The following GALK2 variants were observed in gnomAD, a reference collection of about 807,000 sequenced individuals.
The protein encoded by GALK2 is galactokinase 2.
Under a neutral mutation model 52.4 loss-of-function variants are expected in GALK2, and 36 were observed. The observed-to-expected ratio is 0.69, with a 90% CI of 0.53 to 0.91. GALK2 has a LOEUF of 0.91. Among genes scored for constraint, GALK2 ranks in the 40% least tolerant of loss-of-function variants. The pLI, the probability that GALK2 is intolerant of heterozygous loss-of-function variation, is 0.00. For missense variants in GALK2, 579 were observed against 559.1 expected (o/e 1.04, Z -0.36); for synonymous variants, 176 against 199.1 (o/e 0.88, Z 0.98).
chr15:49,245,783 C>A (rs1364478467), intron 5 of GALK2, among the ~76,000 whole-genome samples: 1 of 152,124 alleles, frequency 6.6e-6, no homozygotes, highest in Non-Finnish European at 1.5e-5. Flanking sequence ...CTCAAAACCT[C>A]TAACTAATTT....
intron 3 of GALK2, among the ~76,000 whole-genome samples, chr15:49,357,258 G>C (rs1208616683): frequency 2.0e-5 from 3 of 150,258 alleles, no homozygotes; most frequent in African/African-American, 7.4e-5. Flanking sequence ...AGGAAATAGA[G>C]ACACAAAAAA....
chr15:49,365,433 G>A, intron 3 of GALK2: 1 of 948,092 alleles, frequency 1.1e-6, no homozygotes, highest in Non-Finnish European at 1.7e-6. Context: ...GCAAGCAACA[G>A]GCCTGTACAA....
At position 49,356,140 on chromosome 15, in the gene GALK2, C is replaced by G. The variant is rs560670992; in HGVS notation, c.427-11351C>G. 4.9e-3 allele frequency among the ~76,000 whole-genome samples: 752 copies of G among 152,160 alleles called. 6 individuals carry two copies. Among genetic ancestry groups the G allele is most frequent in the African/African-American group, 0.017 (718 of 41,488 alleles). On this transcript the variant is annotated intron_variant, in intron 3 of 3. Transcript: ENST00000558399. ...GGTACCAGCCGCTGTAAAATCATGC[C>G]AAAATGTAAAGACCATCGAGACTAG...
intron 5 of GALK2, among the ~76,000 whole-genome samples, chr15:49,266,811 T>C (rs2092378051): frequency 6.6e-6 from 1 of 152,158 alleles, no homozygotes. Context: ...TATAACCTTG[T>C]GGTATTAATA....
At position 49,328,377 on chromosome 15, in the gene GALK2, C is replaced by G. The variant is rs2037891349; in HGVS notation, c.*218C>G. 2 of 1,424,190 alleles carry G rather than the reference C, an allele frequency of 1.4e-6. No homozygotes were observed. Among genetic ancestry groups the G allele is most frequent in the Admixed American group, 5.8e-5 (2 of 34,258 alleles). The allele number at this position is 1,424,190 out of a possible 1,614,324, so 88.2% of individuals were successfully genotyped here. ...TGGTTTTACTATTAAGAGCCAAGAT[C>G]ATGCTTGGACAGATCTTTTAAGAAT... On this transcript the variant is annotated 3_prime_UTR_variant, in exon 10 of 10. Transcript: ENST00000560031.
chr15:49,310,105 T>TA (rs2141906163), intron 8 of GALK2, among the ~76,000 whole-genome samples: 1 of 152,316 alleles, frequency 6.6e-6, no homozygotes, highest in Admixed American at 6.5e-5. Flanking sequence ...CAGTTATTTT[T>TA]AGCTCCTGCA....
chr15:49,305,458 A>G (rs1192511544), intron 8 of GALK2, among the ~76,000 whole-genome samples: 1 of 152,196 alleles, frequency 6.6e-6, no homozygotes, highest in Non-Finnish European at 1.5e-5. Flanking sequence ...GGGAGAGACC[A>G]CAAAGATTAA....
At chr15:49,270,465 C>G (rs938553741) in intron 5 of GALK2, among the ~76,000 whole-genome samples, 1 of 152,186 alleles carries the variant, frequency 6.6e-6, no homozygotes, top group African/African-American at 2.4e-5. Context: ...ATCACCTCTG[C>G]AATGTCTGAA....
intron 1 of GALK2, among the ~76,000 whole-genome samples, chr15:49,187,759 C>G (rs1190255577): frequency 6.6e-6 from 1 of 151,960 alleles, no homozygotes; most frequent in African/African-American, 2.4e-5. Context: ...CTGCCTGGCT[C>G]CCACTGTTTA....
At chr15:49,237,534 T>G (rs1246839495) in intron 4 of GALK2, among the ~76,000 whole-genome samples, 3 of 152,166 alleles carry the variant, frequency 2.0e-5, no homozygotes, top group Non-Finnish European at 4.4e-5. Context: ...TGGAGTGTAG[T>G]GGCGTGATCT....
intron 5 of GALK2, among the ~76,000 whole-genome samples, chr15:49,252,792 T>C (rs1005412533): frequency 6.9e-6 from 1 of 144,666 alleles, no homozygotes; most frequent in Non-Finnish European, 1.6e-5. Flanking sequence ...TGCAGCAACA[T>C]TGCATGAGAG....
chr15:49,228,680 T>C (rs77443011), intron 3 of GALK2, among the ~76,000 whole-genome samples: 4,076 of 20,754 alleles, frequency 0.2, 627 homozygotes, highest in South Asian at 0.37. Flanking sequence ...TATATATATA[T>C]ATATATATTT....
At chr15:49,367,585 T>C in exon 4 of GALK2, 2 of 1,598,706 alleles carry the variant, frequency 1.3e-6, no homozygotes, top group Non-Finnish European at 1.7e-6. Flanking sequence ...GATTAAACTC[T>C]GGACCAGTAC....
chr15:49,188,255 G>A (rs1313838048), intron 1 of GALK2, among the ~76,000 whole-genome samples: 3 of 152,198 alleles, frequency 2.0e-5, no homozygotes, highest in African/African-American at 7.2e-5. Context: ...TTAGGAACCT[G>A]TTGTGCTTTA....
chr15:49,212,229 A>G (rs1304015611), intron 2 of GALK2, among the ~76,000 whole-genome samples: 1 of 152,008 alleles, frequency 6.6e-6, no homozygotes, highest in Non-Finnish European at 1.5e-5. Flanking sequence ...AGTAGCTGGG[A>G]TTACAGGTGT....
Position 49,329,196 on chromosome 15 carries a change from T to G in GALK2, c.*1037T>G. ...TGAAAGTGACTATGAAAAGACTTAA[T>G]GAATTCTGGGATTTGTAATGGTATT... On this transcript the variant is annotated 3_prime_UTR_variant, in exon 10 of 10. Coordinates refer to ENST00000560031, the MANE Select transcript of GALK2 (RefSeq NM_002044.4). 1 of 986,774 alleles carries G rather than the reference T, an allele frequency of 1.0e-6. No homozygotes were observed. The highest frequency in any genetic ancestry group is 1.2e-6 in the Non-Finnish European group (1 of 830,866). The allele number at this position is 986,774 out of a possible 1,614,324, so 61.1% of individuals were successfully genotyped here. A position where few individuals can be genotyped will look rare whatever the true frequency, so the allele number is the denominator to read the frequency against.
At chr15:49,347,994 G>A (rs1363767378) in intron 3 of GALK2, among the ~76,000 whole-genome samples, 1 of 144,180 alleles carries the variant, frequency 6.9e-6, no homozygotes, top group Non-Finnish European at 1.5e-5. Context: ...ACTCCAGCCT[G>A]GGTGACAAGA....
chr15:49,339,919 C>T (rs9806748), intron 3 of GALK2, among the ~76,000 whole-genome samples: 1 of 151,958 alleles, frequency 6.6e-6, no homozygotes, highest in East Asian at 1.9e-4. Flanking sequence ...TTACACTGTG[C>T]GGGTAAAACT....
At chr15:49,233,315 T>C (rs2090610809) in intron 3 of GALK2, among the ~76,000 whole-genome samples, 1 of 152,060 alleles carries the variant, frequency 6.6e-6, no homozygotes, top group South Asian at 2.1e-4. Context: ...AGCTCTATCA[T>C]GAAAACAATA....
Sources: gnomAD v4.1 joint callset for allele counts (sites outside exome capture counted in the v4.1 genomes callset) on GRCh38, gnomAD v4.1.1 for gene constraint, MANE v1.5 for transcripts, NCBI Gene and HGNC (gene_info 2026-07-23, HGNC 2026-07-21) for gene names.